The following SLC20A2 variants were observed in gnomAD, a reference collection of about 807,000 sequenced individuals.
The protein encoded by SLC20A2 is sodium-dependent phosphate transporter 2.
A neutral mutation model predicts 61.0 loss-of-function variants in SLC20A2; 30 were observed. That is an observed-to-expected ratio of 0.49 (90% CI 0.37 to 0.67). The LOEUF is 0.67. Ranked by LOEUF, SLC20A2 falls within the 30% of genes least tolerant of loss-of-function variation. The probability of loss-of-function intolerance (pLI) is 0.00; values close to 1 mark genes in which losing one functional copy is unlikely to be tolerated. For missense variants in SLC20A2, 626 were observed against 866.4 expected, an observed-to-expected ratio of 0.72 and a Z score of 3.48; for synonymous variants, 351 against 353.3, an observed-to-expected ratio of 0.99 and a Z score of 0.07.
At chr8:42,494,622 G>A (rs928236741) in intron 1 of SLC20A2, among the ~76,000 whole-genome samples, 2 of 152,038 alleles carry the variant, frequency 1.3e-5, no homozygotes, top group African/African-American at 4.8e-5. Flanking sequence ...TACATCTAAC[G>A]CCATCATTTC....
intron 1 of SLC20A2, among the ~76,000 whole-genome samples, chr8:42,530,908 T>TGAG (rs1179890297): frequency 6.6e-6 from 1 of 152,060 alleles, no homozygotes; most frequent in African/African-American, 2.4e-5. Flanking sequence ...TTAGTAGAGA[T>TGAG]GAGGTTTTAC....
chr8:42,510,452 T>C (rs542493852), intron 1 of SLC20A2, among the ~76,000 whole-genome samples: 6 of 152,296 alleles, frequency 3.9e-5, no homozygotes, highest in Middle Eastern at 3.4e-3. Flanking sequence ...CCTCAGATAA[T>C]AGGAAAACTA....
chr8:42,465,365 TCTTTTAAAC>T (rs1807071114), intron 3 of SLC20A2, among the ~76,000 whole-genome samples: 1 of 151,782 alleles, frequency 6.6e-6, no homozygotes, highest in Non-Finnish European at 1.5e-5. Context: ...CCCATCTAGG[TCTTTTAAAC>T]CTTAACATTT....
Position 42,437,111 on chromosome 8 carries a change from T to A in SLC20A2, c.1401A>T (p.Arg467=), listed in dbSNP as rs753388767. Residue 467 remains arginine (R), a synonymous_variant, in exon 8 of 11, where the codon CGA becomes CGT. Coordinates refer to ENST00000520262, the MANE Select transcript of SLC20A2 (RefSeq NM_001257180.2). This position sits in a 1 kb window ranked among gnomAD's most constrained non-coding sequence, Gnocchi z 6.4. The part of the protein sequence containing the change: ...ASELADPDQP[R]EDPAEEEKEE... ...CCTTCTCCTCCTCTGCAGGGTCCTC[T>A]CGCGGCTGGTCAGGGTCGGCCAGCT... is the stretch of plus-strand genomic sequence containing the variant. The A allele has an allele frequency of 6.2e-7, 1 of 1,614,010 alleles. No homozygotes were observed. The highest frequency in any genetic ancestry group is 8.5e-7 in the Non-Finnish European group (1 of 1,180,048).
intron 8 of SLC20A2, among the ~76,000 whole-genome samples, chr8:42,436,302 C>T (rs1351265428): frequency 6.6e-6 from 1 of 152,082 alleles, no homozygotes; most frequent in Non-Finnish European, 1.5e-5. Flanking sequence ...CGTACACGGC[C>T]GCTGCCTGCT....
intron 10 of SLC20A2, among the ~76,000 whole-genome samples, chr8:42,426,624 G>C (rs1803431994): frequency 6.6e-6 from 1 of 152,308 alleles, no homozygotes; most frequent in Non-Finnish European, 1.5e-5. Context: ...GAACTCAGGA[G>C]GCAGAGGCTG....
At chr8:42,478,649 G>A (rs1808342209) in intron 1 of SLC20A2, among the ~76,000 whole-genome samples, 2 of 152,092 alleles carry the variant, frequency 1.3e-5, no homozygotes, top group African/African-American at 4.8e-5. Context: ...TGAGTATGGT[G>A]GTGGCTGTAT....
intron 10 of SLC20A2, among the ~76,000 whole-genome samples, chr8:42,418,587 C>T (rs1401318168): frequency 6.6e-6 from 1 of 152,094 alleles, no homozygotes; most frequent in Non-Finnish European, 1.5e-5. Context: ...GGGGTTTCGC[C>T]ATGTTGGTCA....
chr8:42,459,477 C>T (rs1275905547), intron 5 of SLC20A2, among the ~76,000 whole-genome samples: 1 of 152,116 alleles, frequency 6.6e-6, no homozygotes, highest in Non-Finnish European at 1.5e-5. Context: ...TCACTGGGTG[C>T]CAGGCATGGC....
chr8:42,529,947 T>A (rs1812215945), intron 1 of SLC20A2, among the ~76,000 whole-genome samples: 1 of 152,256 alleles, frequency 6.6e-6, no homozygotes, highest in Admixed American at 6.5e-5. Context: ...AGATACAGTA[T>A]ATATTTTGAT....
intron 2 of SLC20A2, among the ~76,000 whole-genome samples, chr8:42,468,884 A>G (rs1028066774): frequency 2.0e-5 from 3 of 152,192 alleles, no homozygotes; most frequent in African/African-American, 4.8e-5. Flanking sequence ...GAATTCTCAG[A>G]TTTTTGGAAC....
At chr8:42,504,895 C>G (rs1810565335), upstream of SLC20A2, among the ~76,000 whole-genome samples, 1 of 109,530 alleles carries the variant, frequency 9.1e-6, no homozygotes, top group East Asian at 2.5e-4. Context: ...AAGGCATGTT[C>G]CAGTTACTAT....
chr8:42,519,556 A>G (rs1404192398), intron 1 of SLC20A2, among the ~76,000 whole-genome samples: 1 of 152,158 alleles, frequency 6.6e-6, no homozygotes, highest in Admixed American at 6.5e-5. Flanking sequence ...GATATTTTGA[A>G]TATGCAGTTG....
At chr8:42,454,040 G>A (rs374784617) in intron 5 of SLC20A2, among the ~76,000 whole-genome samples, 14 of 152,016 alleles carry the variant, frequency 9.2e-5, no homozygotes, top group African/African-American at 3.4e-4. Flanking sequence ...GTCTCGCTCT[G>A]TCTCCCAGGC....
chr8:42,497,523 C>T (rs4361746), intron 1 of SLC20A2, among the ~76,000 whole-genome samples: 49,561 of 151,916 alleles, frequency 0.33, 8,866 homozygotes, highest in East Asian at 0.41. Context: ...TCCAGCCCAA[C>T]CCTTGCTGGA....
chr8:42,443,033 ATTC>A (rs1316936358), intron 6 of SLC20A2, among the ~76,000 whole-genome samples: 5 of 151,796 alleles, frequency 3.3e-5, no homozygotes, highest in African/African-American at 7.3e-5. Flanking sequence ...CCTAAGCCAT[ATTC>A]TTCTTCTTTT....
intron 2 of SLC20A2, among the ~76,000 whole-genome samples, chr8:42,467,790 AC>A (rs1296347050): frequency 6.6e-6 from 1 of 152,126 alleles, no homozygotes; most frequent in East Asian, 1.9e-4. Context: ...ACCCGCGGAC[AC>A]CTCCTTAAGC....
chr8:42,488,223 T>C (rs1809200981), intron 1 of SLC20A2, among the ~76,000 whole-genome samples: 1 of 147,582 alleles, frequency 6.8e-6, no homozygotes, highest in African/African-American at 2.5e-5. Context: ...TCTCCCTTTG[T>C]GGCCCAGGCT....
intron 5 of SLC20A2, among the ~76,000 whole-genome samples, chr8:42,447,816 G>A (rs1476142991): frequency 6.6e-6 from 1 of 152,210 alleles, no homozygotes; most frequent in East Asian, 1.9e-4. Context: ...TGATAGCTAA[G>A]GTCACTGGGG....
Sources: allele counts gnomAD v4.1 joint callset (sites outside exome capture counted in the v4.1 genomes callset), GRCh38; gene constraint gnomAD v4.1.1; non-coding constraint Gnocchi (gnomAD v3.1); transcripts MANE v1.5; gene names NCBI Gene and HGNC (gene_info 2026-07-23, HGNC 2026-07-21).